CTNNA3: variants seen among roughly 807,000 people sequenced by gnomAD.
CTNNA3 encodes catenin alpha-3.
In CTNNA3, 76 loss-of-function variants were observed where a neutral mutation model predicts 95.7. That is an observed-to-expected ratio of 0.79 (90% CI 0.66 to 0.96). The LOEUF is 0.96. Among genes scored for constraint, CTNNA3 ranks in the 40% least tolerant of loss-of-function variants. The probability of loss-of-function intolerance (pLI) is 0.00; values close to 1 mark genes in which losing one functional copy is unlikely to be tolerated. For synonymous variants in CTNNA3, 431 were observed against 374.4 expected (o/e 1.15, Z -1.74); for missense variants, 1,191 against 1,089.8 (o/e 1.09, Z -1.31).
chr10:65,925,097 T>C (rs541828278), intron 17 of CTNNA3, among the ~76,000 whole-genome samples: 8 of 152,274 alleles, frequency 5.3e-5, no homozygotes, highest in South Asian at 4.1e-4. Flanking sequence ...AATTAGTTTC[T>C]AGATAAATTA....
chr10:66,630,529 G>T (rs1256988631), intron 9 of CTNNA3, among the ~76,000 whole-genome samples: 1 of 152,062 alleles, frequency 6.6e-6, no homozygotes, highest in Non-Finnish European at 1.5e-5. Context: ...CTCTTAAAGG[G>T]CCCAAGCTGG....
intron 13 of CTNNA3, among the ~76,000 whole-genome samples, chr10:66,192,779 T>C (rs896299291): frequency 1.3e-5 from 2 of 152,160 alleles, no homozygotes. Flanking sequence ...CCCAGCTTGG[T>C]ATAAATAAAT....
At position 67,133,307 on chromosome 10, in the gene CTNNA3, A is replaced by ATATATATATATATATATATG. The variant is rs1491248518; in HGVS notation, c.1047+47009_1047+47010insCATATATATATATATATATA. ...AGCCTTAGCTAGAGCATATTGCCTG[A>ATATATATATATATATATATG]TATATATATATATATATTTATACAC... On this transcript the variant is annotated intron_variant, in intron 7 of 17. Transcript: ENST00000433211. 5.4e-5 allele frequency among the ~76,000 whole-genome samples: 4 copies of ATATATATATATATATATATG among 74,544 alleles called. 1 individual carries two copies. The East Asian group carries it at 9.0e-4, about 17-fold the overall frequency. The allele number at this position is 74,544 out of a possible 152,430, so 48.9% of individuals were successfully genotyped here.
chr10:66,050,384 A>G (rs892960908), intron 15 of CTNNA3, among the ~76,000 whole-genome samples: 4 of 151,586 alleles, frequency 2.6e-5, no homozygotes, highest in Non-Finnish European at 5.9e-5. Context: ...TCCATGCACA[A>G]CACATTAGAG....
chr10:66,837,101 T>A (rs1246748321), intron 7 of CTNNA3, among the ~76,000 whole-genome samples: 1 of 152,114 alleles, frequency 6.6e-6, no homozygotes, highest in Non-Finnish European at 1.5e-5. Context: ...AAAAAGTGGA[T>A]CAGCAAAACA....
At chr10:67,322,230 TA>T (rs1371798060) in intron 5 of CTNNA3, among the ~76,000 whole-genome samples, 2 of 152,228 alleles carry the variant, frequency 1.3e-5, no homozygotes, top group Non-Finnish European at 2.9e-5. Context: ...TTTTTATTTA[TA>T]ACTTTTATTT....
intron 13 of CTNNA3, among the ~76,000 whole-genome samples, chr10:66,250,844 C>T (rs1251362626): frequency 1.3e-5 from 2 of 152,168 alleles, no homozygotes; most frequent in East Asian, 1.9e-4. Flanking sequence ...CTTTTAGCTT[C>T]TGTACTTCTC....
intron 13 of CTNNA3, chr10:66,118,254 A>T: frequency 6.6e-6 from 1 of 151,902 alleles, no homozygotes; most frequent in East Asian, 1.9e-4. Context: ...TTTTTTTAGG[A>T]ACCTCCCTCT....
chr10:67,042,115 A>G (rs746542049), intron 7 of CTNNA3, among the ~76,000 whole-genome samples: 2 of 152,208 alleles, frequency 1.3e-5, no homozygotes, highest in Non-Finnish European at 2.9e-5. Context: ...GGAGAAAACT[A>G]TGAAAGAAGA....
chr10:66,069,527 T>C, intron 14 of CTNNA3, 38 bp from the exon 15 acceptor site: 1 of 1,502,794 alleles, frequency 6.7e-7, no homozygotes, highest in Non-Finnish European at 9.0e-7. Context: ...ATCATTCCAC[T>C]ATGTCAAAAG....
chr10:67,187,768 T>C (rs977473143), intron 6 of CTNNA3, among the ~76,000 whole-genome samples: 1 of 152,084 alleles, frequency 6.6e-6, no homozygotes, highest in Non-Finnish European at 1.5e-5. Context: ...GTAATTTTTG[T>C]AGAGATGGGG....
At chr10:66,345,374 T>G (rs2092498198) in intron 12 of CTNNA3, among the ~76,000 whole-genome samples, 1 of 152,110 alleles carries the variant, frequency 6.6e-6, no homozygotes, top group Non-Finnish European at 1.5e-5. Flanking sequence ...AACATAAAAA[T>G]GCTCATTTCC....
At chr10:67,366,432 G>A (rs1843221285) in intron 5 of CTNNA3, among the ~76,000 whole-genome samples, 1 of 151,972 alleles carries the variant, frequency 6.6e-6, no homozygotes, top group South Asian at 2.1e-4. Flanking sequence ...CCTGAGGTCA[G>A]GAGTTCGAGG....
chr10:66,023,907 C>T lies in CTNNA3; in HGVS notation c.2160-35110G>A, dbSNP rs188903627. 6.2e-4 allele frequency among the ~76,000 whole-genome samples: 95 copies of T among 152,176 alleles called. 1 individual carries two copies. Among genetic ancestry groups the T allele is most frequent in the African/African-American group, 2.2e-3 (92 of 41,540 alleles). On this transcript the variant is annotated intron_variant, in intron 15 of 17. Transcript: ENST00000433211. ...TATATAACGGAGAAAAATTTCTACA[C>T]CCATATGAAACTCGTTCTACGATAT...
At chr10:67,517,712 G>T (rs538925465) in intron 5 of CTNNA3, among the ~76,000 whole-genome samples, 263 of 152,226 alleles carry the variant, frequency 1.7e-3, no homozygotes, top group Admixed American at 2.7e-3. Context: ...TGCCCATCAA[G>T]AGATATCACC....
chr10:66,036,030 C>T (rs1053328032), intron 15 of CTNNA3, among the ~76,000 whole-genome samples: 1 of 152,110 alleles, frequency 6.6e-6, no homozygotes, highest in Non-Finnish European at 1.5e-5. Flanking sequence ...AACTTAGAAG[C>T]TCAGTGAAAA....
intron 3 of CTNNA3, among the ~76,000 whole-genome samples, chr10:67,596,539 T>A (rs776098257): frequency 1.3e-5 from 2 of 152,242 alleles, no homozygotes; most frequent in Non-Finnish European, 2.9e-5. Context: ...TGACTGAATA[T>A]GAACTTCCTG....
chr10:66,702,109 G>A (rs569468233), intron 9 of CTNNA3, among the ~76,000 whole-genome samples: 1 of 151,794 alleles, frequency 6.6e-6, no homozygotes, highest in South Asian at 2.1e-4. Flanking sequence ...GTACTTATCT[G>A]TAAAAAATAT....
intron 11 of CTNNA3, among the ~76,000 whole-genome samples, chr10:66,502,739 T>C (rs1256107489): frequency 6.6e-6 from 1 of 152,098 alleles, no homozygotes; most frequent in Non-Finnish European, 1.5e-5. Flanking sequence ...AAAAACTCTA[T>C]AATGATCATA....
Sources: gnomAD v4.1 joint callset for allele counts (sites outside exome capture counted in the v4.1 genomes callset) on GRCh38, gnomAD v4.1.1 for gene constraint, MANE v1.5 for transcripts, NCBI Gene and HGNC (gene_info 2026-07-23, HGNC 2026-07-21) for gene names.